Variants in RAB11FIP3 observed in about 807,000 individuals in gnomAD.
RAB11FIP3 encodes rab11 family-interacting protein 3.
In RAB11FIP3, 17 loss-of-function variants were observed where a neutral mutation model predicts 77.8. The observed-to-expected ratio is 0.22, with a 90% CI of 0.15 to 0.33. RAB11FIP3 has a LOEUF of 0.33. Ranked by LOEUF, RAB11FIP3 falls within the 10% of genes least tolerant of loss-of-function variation. The pLI is 1.00. For synonymous variants in RAB11FIP3, 437 were observed against 448.2 expected (o/e 0.98, Z 0.31); for missense variants, 1,005 against 1,011.2 (o/e 0.99, Z 0.08).
At position 520,572 on chromosome 16, in the gene RAB11FIP3, A is replaced by G; in HGVS notation, c.2130A>G (p.Ala710=). The change falls in exon 13 of 14, where the codon GCA becomes GCG. Residue 710 remains alanine, a synonymous_variant. Coordinates refer to ENST00000262305, the MANE Select transcript of RAB11FIP3 (RefSeq NM_014700.4). Reference sequence around the variant, plus strand: ...CAGCCTTCTCTGAGTCCCTGGCTGCAGAGATCAGCTCCGTCTCCCGAGATG... The same window carrying G: ...CAGCCTTCTCTGAGTCCCTGGCTGCGGAGATCAGCTCCGTCTCCCGAGATG... ...FSTAFSESLA[A]EISSVSRDEL... is the part of the protein sequence containing the mutation. 1 of 1,613,596 alleles carries G rather than the reference A, an allele frequency of 6.2e-7. No homozygotes were observed. The highest frequency in any genetic ancestry group is 8.5e-7 in the Non-Finnish European group (1 of 1,179,990).
chr16:474,932 C>G, intron 3 of RAB11FIP3: 5 of 1,546,046 alleles, frequency 3.2e-6, no homozygotes, highest in Non-Finnish European at 3.5e-6. Flanking sequence ...TTGCAGAAAC[C>G]CCAGCATGAC....
intron 1 of RAB11FIP3, among the ~76,000 whole-genome samples, chr16:443,810 C>T (rs971263748): frequency 2.0e-5 from 3 of 152,174 alleles, no homozygotes; most frequent in Non-Finnish European, 4.4e-5. Context: ...GTGATCCGCC[C>T]GCCTTGGCCT....
chr16:494,768 G>A (rs2030953078), intron 5 of RAB11FIP3, among the ~76,000 whole-genome samples: 1 of 152,202 alleles, frequency 6.6e-6, no homozygotes, highest in Non-Finnish European at 1.5e-5. Flanking sequence ...AGGCTGAGGT[G>A]GGAGGATCAC....
In RAB11FIP3 at chr16:426,429, G is replaced by T; in HGVS notation, c.423G>T (p.Ala141=). Residue 141 remains alanine, a synonymous_variant, in exon 1 of 14, where the codon GCG becomes GCT. Transcript: ENST00000262305. The surrounding 1 kb of genome is among the most constrained non-coding windows in gnomAD (Gnocchi z 5.0). ...ECGPASCPES[A]PFRLQGSSSS... Reference sequence around the variant, plus strand: ...GCCCCGCGAGCTGCCCGGAGAGCGCGCCTTTCCGCTTGCAGGGGTCCAGCA... The same window carrying T: ...GCCCCGCGAGCTGCCCGGAGAGCGCTCCTTTCCGCTTGCAGGGGTCCAGCA... 5 of 1,584,654 alleles carry T rather than the reference G, an allele frequency of 3.2e-6. No homozygotes were observed. Among genetic ancestry groups the T allele is most frequent in the Middle Eastern group, 1.7e-4 (1 of 5,942 alleles).
At chr16:499,795 C>CAAAAAAAAAAAAAAAAAAAAAAAAA in intron 6 of RAB11FIP3, among the ~76,000 whole-genome samples, 1 of 53,966 alleles carries the variant, frequency 1.9e-5, no homozygotes, top group Non-Finnish European at 4.0e-5. Flanking sequence ...AAGACTGTCT[C>CAAAAAAAAAAAAAAAAAAAAAAAAA]AAAAAAAAAA....
rs533437525 is a variant in RAB11FIP3, at chr16:505,293, G to A, written c.1396-231G>A. 1.6e-4 allele frequency among the ~76,000 whole-genome samples: 25 copies of A among 152,086 alleles called. No homozygotes were observed. The highest frequency in any genetic ancestry group is 2.6e-4 in the Non-Finnish European group (18 of 68,036). On this transcript the variant is annotated intron_variant, in intron 7 of 13. Transcript: ENST00000262305. This position sits in a 1 kb window ranked among gnomAD's most constrained non-coding sequence, Gnocchi z 4.0. ...CTGGGCCCCGAGCCCTCAGAGCTGC[G>A]GCACTGTGTGCATTTGTGGGTCGAA...
intron 10 of RAB11FIP3, 105 bp downstream of exon 10, chr16:519,129 CTGTG>C (rs2032554796): frequency 7.9e-7 from 1 of 1,266,686 alleles, no homozygotes; most frequent in Admixed American, 1.8e-5. Context: ...GGATACTGTG[CTGTG>C]TGTGAGGGAA....
intron 4 of RAB11FIP3, among the ~76,000 whole-genome samples, chr16:483,841 TCAAA>T (rs1399460979): frequency 6.6e-6 from 1 of 151,812 alleles, no homozygotes; most frequent in African/African-American, 2.4e-5. Context: ...AATAACTCTT[TCAAA>T]CAAACAACTG....
chr16:448,658 C>G (rs1349380792), intron 1 of RAB11FIP3, among the ~76,000 whole-genome samples: 1 of 150,566 alleles, frequency 6.6e-6, no homozygotes, highest in African/African-American at 2.5e-5. Context: ...ATGGCGTGAA[C>G]CCAGGAGGCG....
chr16:520,388 C>T lies in RAB11FIP3; in HGVS notation c.2017-71C>T, dbSNP rs568879659. 670 of 1,592,944 alleles carry T rather than the reference C, an allele frequency of 4.2e-4. 1 individual carries two copies. The highest frequency in any genetic ancestry group is 5.2e-4 in the Non-Finnish European group (603 of 1,168,524). ...CATCTGAGCTGGAGGCCTTTTTCCC[C>T]GGGCAGTCCTTGTCCCTGCTCAGCC... On this transcript the variant is annotated intron_variant, in intron 12 of 13. Coordinates refer to ENST00000262305, the MANE Select transcript of RAB11FIP3 (RefSeq NM_014700.4).
chr16:476,191 C>T (rs1399899732), intron 3 of RAB11FIP3, among the ~76,000 whole-genome samples: 1 of 152,174 alleles, frequency 6.6e-6, no homozygotes, highest in Non-Finnish European at 1.5e-5. Flanking sequence ...GAAGGTGGGT[C>T]CAGAGCGGAG....
At chr16:519,959 T>C (rs1180839944) in intron 11 of RAB11FIP3, 68 bp downstream of exon 11, 4 of 1,526,852 alleles carry the variant, frequency 2.6e-6, no homozygotes, top group African/African-American at 2.8e-5. Flanking sequence ...CTTTGTTTCC[T>C]GAGACGCTAG....
At chr16:470,069 T>C (rs1365248668) in intron 2 of RAB11FIP3, among the ~76,000 whole-genome samples, 3 of 151,956 alleles carry the variant, frequency 2.0e-5, no homozygotes, top group Non-Finnish European at 4.4e-5. Flanking sequence ...TGATTTCGGC[T>C]CCCTGAAACA....
intron 1 of RAB11FIP3, chr16:453,462 C>T (rs1007204092): frequency 6.6e-6 from 1 of 152,134 alleles, no homozygotes; most frequent in African/African-American, 2.4e-5. Context: ...TTTTGCATGT[C>T]AGACCAGCAC....
At chr16:500,777 T>C (rs2031465578) in intron 6 of RAB11FIP3, among the ~76,000 whole-genome samples, 1 of 151,512 alleles carries the variant, frequency 6.6e-6, no homozygotes, top group African/African-American at 2.4e-5. Context: ...TGCCTCACGT[T>C]GGTGGCCACG....
intron 1 of RAB11FIP3, among the ~76,000 whole-genome samples, chr16:436,955 G>A (rs1463449212): frequency 6.6e-6 from 1 of 152,044 alleles, no homozygotes; most frequent in Non-Finnish European, 1.5e-5. Context: ...TAGGATGACT[G>A]TAGTTAATAA....
chr16:500,687 CAAAAA>C (rs56771770), intron 6 of RAB11FIP3, among the ~76,000 whole-genome samples: 1 of 22,306 alleles, frequency 4.5e-5, no homozygotes, highest in African/African-American at 2.5e-4. Flanking sequence ...GACTCTGTCG[CAAAAA>C]AAAAAAAAAA....
chr16:476,482 G>A (rs1313329059), intron 3 of RAB11FIP3, among the ~76,000 whole-genome samples: 2 of 152,164 alleles, frequency 1.3e-5, no homozygotes, highest in Non-Finnish European at 2.9e-5. Flanking sequence ...TCTGCTCAGG[G>A]CTCCATGAGC....
chr16:520,438 G>A (rs1276509143), intron 12 of RAB11FIP3, 21 bp from the exon 13 acceptor site: 2 of 1,612,740 alleles, frequency 1.2e-6, no homozygotes, highest in South Asian at 2.2e-5. Context: ...CAGCCCAGTA[G>A]TGATGTTGCT....
Sources: gnomAD v4.1 joint callset for allele counts (sites outside exome capture counted in the v4.1 genomes callset) on GRCh38, gnomAD v4.1.1 for gene constraint, Gnocchi (gnomAD v3.1) non-coding constraint, MANE v1.5 for transcripts, NCBI Gene and HGNC (gene_info 2026-07-23, HGNC 2026-07-21) for gene names.